The following RBFOX1 variants were observed in gnomAD, a reference collection of about 807,000 sequenced individuals.
RBFOX1 encodes the protein RNA binding protein fox-1 homolog 1.
In RBFOX1, 8 loss-of-function variants were observed where a neutral mutation model predicts 57.7. The observed-to-expected ratio is 0.14, with a 90% confidence interval of 0.08 to 0.25. The LOEUF (loss-of-function observed/expected upper bound fraction) is 0.25. Among genes scored for constraint, RBFOX1 ranks in the 10% least tolerant of loss-of-function variants. RBFOX1 has a pLI of 1.00. For missense variants in RBFOX1, 611 were observed against 548.5 expected, an observed-to-expected ratio of 1.11 and a Z score of -1.14; for synonymous variants, 326 against 222.4, an observed-to-expected ratio of 1.47 and a Z score of -4.15.
At chr16:5,990,776 C>T (rs1181397687) in intron 4 of RBFOX1, among the ~76,000 whole-genome samples, 1 of 152,112 alleles carries the variant, frequency 6.6e-6, no homozygotes, top group Non-Finnish European at 1.5e-5. Context: ...AAGACCAGCC[C>T]CAGCCTGGCC....
At chr16:7,361,936 A>C (rs907934676) in intron 4 of RBFOX1, among the ~76,000 whole-genome samples, 9 of 141,568 alleles carry the variant, frequency 6.4e-5, no homozygotes, top group African/African-American at 2.4e-4. Flanking sequence ...GTTAGTGTGT[A>C]TGTGTGTGCA....
chr16:7,265,599 C>T (rs920993245), intron 4 of RBFOX1, among the ~76,000 whole-genome samples: 2 of 152,116 alleles, frequency 1.3e-5, no homozygotes, highest in African/African-American at 4.8e-5. Context: ...CAGGCACCCA[C>T]CACCACGCCT....
At chr16:5,861,204 A>G (rs1400210730) in intron 3 of RBFOX1, among the ~76,000 whole-genome samples, 1 of 152,088 alleles carries the variant, frequency 6.6e-6, no homozygotes, top group Non-Finnish European at 1.5e-5. Flanking sequence ...TTCAGTGGGG[A>G]TGTGTGGGCA....
At chr16:7,124,570 C>G (rs560192099) in intron 4 of RBFOX1, among the ~76,000 whole-genome samples, 5 of 137,068 alleles carry the variant, frequency 3.6e-5, no homozygotes, top group Admixed American at 1.6e-4. Context: ...TCCCTTCCTT[C>G]CTTCCTTCCT....
At chr16:6,011,094 CTTAAAG>C (rs1247648385) in intron 4 of RBFOX1, among the ~76,000 whole-genome samples, 4 of 152,166 alleles carry the variant, frequency 2.6e-5, no homozygotes, top group South Asian at 2.1e-4. Flanking sequence ...AAGACTAGGA[CTTAAAG>C]TTAAGTGCAT....
At chr16:5,363,497 C>T (rs1257926674) in intron 1 of RBFOX1, among the ~76,000 whole-genome samples, 2 of 152,160 alleles carry the variant, frequency 1.3e-5, no homozygotes, top group African/African-American at 4.8e-5. Flanking sequence ...TCTCAAAAGT[C>T]CCATGGGCTT....
chr16:6,673,914 C>T (rs2098784073), intron 3 of RBFOX1, among the ~76,000 whole-genome samples: 1 of 151,984 alleles, frequency 6.6e-6, no homozygotes, highest in Non-Finnish European at 1.5e-5. Context: ...TTGGGAGGAT[C>T]CTGAAAGACT....
At chr16:6,775,739 A>G (rs75180428) in intron 3 of RBFOX1, 1 of 152,198 alleles carries the variant, frequency 6.6e-6, no homozygotes. Flanking sequence ...AAAGGTGTGA[A>G]CCAGCAAACG....
At chr16:6,225,089 G>T (rs1219841290) in intron 1 of RBFOX1, among the ~76,000 whole-genome samples, 4 of 150,764 alleles carry the variant, frequency 2.7e-5, no homozygotes, top group African/African-American at 9.8e-5. Flanking sequence ...TCCTGTGTAG[G>T]CTCCTTTCCT....
chr16:5,524,976 A>G (rs967301407), intron 2 of RBFOX1, among the ~76,000 whole-genome samples: 4 of 152,042 alleles, frequency 2.6e-5, no homozygotes, highest in Non-Finnish European at 5.9e-5. Flanking sequence ...CACCTTATCT[A>G]CTTTGTCCTT....
intron 3 of RBFOX1, among the ~76,000 whole-genome samples, chr16:6,989,464 G>C (rs2091028949): frequency 6.6e-6 from 1 of 152,108 alleles, no homozygotes. Context: ...GTACCTGTAA[G>C]TTAATATCAT....
chr16:5,938,811 A>G (rs1388240602), intron 4 of RBFOX1, among the ~76,000 whole-genome samples: 1 of 152,182 alleles, frequency 6.6e-6, no homozygotes, highest in Non-Finnish European at 1.5e-5. Context: ...AAAACAGATG[A>G]ACCACTCAGC....
At position 5,665,135 on chromosome 16, in the gene RBFOX1, G is replaced by A. The variant is rs868584567; in HGVS notation, c.318+66174G>A. Among the ~76,000 whole-genome samples, 4 of 142,340 alleles carry A rather than the reference G, an allele frequency of 2.8e-5. 1 individual carries two copies. Among genetic ancestry groups the A allele is most frequent in the South Asian group, 2.5e-4 (1 of 4,026 alleles). The allele number at this position is 142,340 out of a possible 152,430, so 93.4% of individuals were successfully genotyped here. A position where few individuals can be genotyped will look rare whatever the true frequency, so the allele number is the denominator to read the frequency against. ...TAACTTTTTGATATTTTTACATGGG[G>A]GGGGGCGGTCTTGCTATATTGCCCA... On this transcript the variant is annotated intron_variant, in intron 3 of 19. Coordinates refer to the RBFOX1 transcript ENST00000641259.
At chr16:5,705,149 A>C (rs577722836) in intron 3 of RBFOX1, among the ~76,000 whole-genome samples, 1 of 152,208 alleles carries the variant, frequency 6.6e-6, no homozygotes, top group African/African-American at 2.4e-5. Context: ...GGTTCCTGCA[A>C]CCTTTGATCT....
At chr16:6,774,457 A>C (rs1321904504) in intron 3 of RBFOX1, among the ~76,000 whole-genome samples, 1 of 152,120 alleles carries the variant, frequency 6.6e-6, no homozygotes, top group African/African-American at 2.4e-5. Context: ...ATTAAATATC[A>C]ACAACCCAAT....
At chr16:7,701,926 C>G (rs892391712) in intron 14 of RBFOX1, among the ~76,000 whole-genome samples, 1 of 152,170 alleles carries the variant, frequency 6.6e-6, no homozygotes, top group Non-Finnish European at 1.5e-5. Context: ...CCTGTTGCAG[C>G]AAACCAGGGT....
At chr16:5,299,519 C>T (rs796560813) in intron 1 of RBFOX1, among the ~76,000 whole-genome samples, 3 of 152,270 alleles carry the variant, frequency 2.0e-5, no homozygotes, top group African/African-American at 4.8e-5. Flanking sequence ...AAACAGTTTT[C>T]CAAAGTGGTT....
intron 2 of RBFOX1, among the ~76,000 whole-genome samples, chr16:6,458,654 T>G (rs1456885495): frequency 6.6e-6 from 1 of 152,228 alleles, no homozygotes; most frequent in Non-Finnish European, 1.5e-5. Context: ...TGGCGATATA[T>G]GCAGAGGCCC....
chr16:6,292,616 A>C (rs2077587075), intron 1 of RBFOX1, among the ~76,000 whole-genome samples: 1 of 152,126 alleles, frequency 6.6e-6, no homozygotes, highest in African/African-American at 2.4e-5. Flanking sequence ...TCATGGAGTC[A>C]ATTTGTTTTT....
Sources: allele counts gnomAD v4.1 joint callset (sites outside exome capture counted in the v4.1 genomes callset), GRCh38; gene constraint gnomAD v4.1.1; transcripts MANE v1.5; gene names NCBI Gene and HGNC (gene_info 2026-07-23, HGNC 2026-07-21).